Variants in VTI1A observed in about 807,000 individuals in gnomAD.
VTI1A encodes the protein vesicle transport through interaction with t-SNAREs 1A.
In VTI1A, 22 loss-of-function variants were observed where a neutral mutation model predicts 34.9. That is an observed-to-expected ratio of 0.63 (90% CI 0.45 to 0.90). The LOEUF is 0.90. Among genes scored for constraint, VTI1A ranks in the 40% least tolerant of loss-of-function variants. VTI1A has a pLI of 0.00. For synonymous variants in VTI1A, 87 were observed against 97.3 expected (o/e 0.89, Z 0.62); for missense variants, 268 against 275.6 (o/e 0.97, Z 0.20).
chr10:112,735,355 C>T (rs1050475540), intron 7 of VTI1A, among the ~76,000 whole-genome samples: 1 of 152,318 alleles, frequency 6.6e-6, no homozygotes, highest in Non-Finnish European at 1.5e-5. Flanking sequence ...TTTCTCCCAA[C>T]CCTCCAAATT....
chr10:112,504,990 TA>T (rs575845695), intron 3 of VTI1A, among the ~76,000 whole-genome samples: 8 of 152,260 alleles, frequency 5.3e-5, no homozygotes, highest in South Asian at 4.2e-4. Context: ...TAAGTTCTAT[TA>T]TTTTTTTTAA....
chr10:112,576,020 T>A (rs1843694533), intron 5 of VTI1A, among the ~76,000 whole-genome samples: 3 of 121,802 alleles, frequency 2.5e-5, no homozygotes, highest in Admixed American at 2.4e-4. Flanking sequence ...TTTTCTTTTC[T>A]TTTTTTTTTT....
At chr10:112,743,785 T>C (rs1470429841) in intron 7 of VTI1A, among the ~76,000 whole-genome samples, 1 of 152,194 alleles carries the variant, frequency 6.6e-6, no homozygotes, top group Non-Finnish European at 1.5e-5. Flanking sequence ...AGAAAAAAAT[T>C]ATTTCGGTTA....
intron 5 of VTI1A, among the ~76,000 whole-genome samples, chr10:112,597,483 G>T (rs913748812): frequency 6.6e-6 from 1 of 152,132 alleles, no homozygotes; most frequent in East Asian, 1.9e-4. Context: ...CTCCCAAAGA[G>T]CTGGGATTAC....
chr10:112,545,998 A>G (rs1383940983), intron 5 of VTI1A, among the ~76,000 whole-genome samples: 1 of 143,566 alleles, frequency 7.0e-6, no homozygotes, highest in Non-Finnish European at 1.5e-5. Context: ...ATATACGTGT[A>G]TACGCGTATG....
chr10:112,810,170 A>G lies in VTI1A; in HGVS notation c.561-5120A>G, dbSNP rs1307774878. Among the ~76,000 whole-genome samples the G allele has an allele frequency of 9.2e-5, 14 of 152,262 alleles. No individual in the cohort carries two copies. In the East Asian group the frequency reaches 2.7e-3, roughly 30 times the overall value. Reference sequence around the variant, plus strand: ...GTAATCCCAGCACTTTGGGAGGCCAAGATGGGCAGATCACCTGAGGTCAGA... The same window carrying G: ...GTAATCCCAGCACTTTGGGAGGCCAGGATGGGCAGATCACCTGAGGTCAGA... On this transcript the variant is annotated intron_variant, in intron 7 of 7. Coordinates refer to ENST00000393077, the MANE Select transcript of VTI1A (RefSeq NM_145206.4).
intron 5 of VTI1A, among the ~76,000 whole-genome samples, chr10:112,640,831 G>C (rs1178733949): frequency 6.6e-6 from 1 of 152,152 alleles, no homozygotes; most frequent in Non-Finnish European, 1.5e-5. Flanking sequence ...CCTGAGGGTA[G>C]TCGAATGCAA....
chr10:112,619,691 G>A (rs920803933), intron 5 of VTI1A, among the ~76,000 whole-genome samples: 22 of 152,188 alleles, frequency 1.4e-4, no homozygotes, highest in Admixed American at 2.0e-4. Flanking sequence ...GACACAGCTG[G>A]GGGAGGAATG....
intron 5 of VTI1A, among the ~76,000 whole-genome samples, chr10:112,577,696 C>T (rs188128723): frequency 6.6e-6 from 1 of 152,334 alleles, no homozygotes; most frequent in East Asian, 1.9e-4. Flanking sequence ...ACTTAAGGAA[C>T]ATTATCCTGG....
chr10:112,844,784 C>T, the VTI1A span, among the ~76,000 whole-genome samples: 1 of 152,328 alleles, frequency 6.6e-6, no homozygotes, highest in South Asian at 2.1e-4. Context: ...TTCACCCTTT[C>T]CCTCCTCTTA....
At chr10:112,612,961 G>T (rs1028103387) in intron 5 of VTI1A, among the ~76,000 whole-genome samples, 14 of 152,084 alleles carry the variant, frequency 9.2e-5, no homozygotes, top group African/African-American at 3.4e-4. Context: ...TACAAATGTG[G>T]CTGTGAGGTA....
chr10:112,539,258 G>A (rs1047058439), intron 5 of VTI1A, among the ~76,000 whole-genome samples: 4 of 152,156 alleles, frequency 2.6e-5, no homozygotes, highest in African/African-American at 9.6e-5. Flanking sequence ...TCATAGAAAT[G>A]TTTATTTTGT....
At chr10:112,823,442 C>T (rs927952206), downstream of VTI1A, 9 of 152,164 alleles carry the variant, frequency 5.9e-5, no homozygotes, top group African/African-American at 1.9e-4. Flanking sequence ...GGCCCGCCGG[C>T]GAGGTGAATT....
At chr10:112,657,747 A>G (rs1302729497) in intron 5 of VTI1A, among the ~76,000 whole-genome samples, 1 of 152,228 alleles carries the variant, frequency 6.6e-6, no homozygotes, top group Non-Finnish European at 1.5e-5. Context: ...ACAGAAGAAG[A>G]AAACAGATTA....
chr10:112,850,059 T>C, the VTI1A span, among the ~76,000 whole-genome samples: 2 of 152,318 alleles, frequency 1.3e-5, no homozygotes, highest in African/African-American at 4.8e-5. Context: ...CCTGCAGCCT[T>C]TAGAAACTAG....
intron 5 of VTI1A, 45 bp downstream of exon 5, chr10:112,538,375 A>G: frequency 6.5e-7 from 1 of 1,548,110 alleles, no homozygotes; most frequent in Non-Finnish European, 8.9e-7. Flanking sequence ...TATGCACAGC[A>G]GTCTTCACAA....
At chr10:112,792,238 A>G (rs10885382) in intron 7 of VTI1A, among the ~76,000 whole-genome samples, 9,257 of 152,258 alleles carry the variant, frequency 0.061, 319 homozygotes, top group South Asian at 0.12. Context: ...TTGTACCACT[A>G]TACTCCAGCC....
chr10:112,574,060 T>A (rs1395851836), intron 5 of VTI1A, among the ~76,000 whole-genome samples: 1 of 152,208 alleles, frequency 6.6e-6, no homozygotes, highest in Non-Finnish European at 1.5e-5. Context: ...AAATTCCATT[T>A]TTTTCTAAAT....
At chr10:112,496,185 A>ACACCC (rs1849011433) in intron 3 of VTI1A, among the ~76,000 whole-genome samples, 1 of 27,838 alleles carries the variant, frequency 3.6e-5, no homozygotes, top group Non-Finnish European at 6.6e-5. Flanking sequence ...AAATGGGGAG[A>ACACCC]CCCCCCCCCC....
Sources: allele counts gnomAD v4.1 joint callset (sites outside exome capture counted in the v4.1 genomes callset), GRCh38; gene constraint gnomAD v4.1.1; transcripts MANE v1.5; gene names NCBI Gene and HGNC (gene_info 2026-07-23, HGNC 2026-07-21).